The following STIM1 variants were observed in gnomAD, a reference collection of about 807,000 sequenced individuals.
The protein encoded by STIM1 is stromal interaction molecule 1.
In STIM1, 25 loss-of-function variants were observed where a neutral mutation model predicts 74.7. The ratio of observed to expected loss-of-function variants is 0.33; its 90% CI spans 0.24 to 0.47. The LOEUF (loss-of-function observed/expected upper bound fraction) is 0.47. Ranked by LOEUF, STIM1 falls within the 20% of genes least tolerant of loss-of-function variation. The pLI is 1.00. For missense variants in STIM1, 728 were observed against 920.8 expected (o/e 0.79, Z 2.71); for synonymous variants, 328 against 348.8 (o/e 0.94, Z 0.66).
intron 2 of STIM1, among the ~76,000 whole-genome samples, chr11:3,970,253 A>G (rs1304200577): frequency 1.3e-5 from 2 of 152,182 alleles, no homozygotes; most frequent in African/African-American, 2.4e-5. Context: ...GTTCTTTTTC[A>G]GTATAGTTTT....
chr11:4,020,585 C>A (rs932788287), intron 2 of STIM1, among the ~76,000 whole-genome samples: 1 of 148,936 alleles, frequency 6.7e-6, no homozygotes, highest in Admixed American at 6.7e-5. Context: ...ATCTTTTGGA[C>A]TTTTTTTTTT....
rs554138613 is a variant in STIM1, at chr11:4,034,114, A to G, written c.385+10127A>G. Among the ~76,000 whole-genome samples the G allele has an allele frequency of 1.5e-3, 228 of 151,986 alleles. 3 individuals are homozygous for G. The East Asian group carries it at 0.035, about 23-fold the overall frequency. ...TGTGGTGGCGGGCGCCTGTAATCCCAGCTACTTGGGAGGCTGAGGCAGGAG... is the reference window on the plus strand; with the variant it reads ...TGTGGTGGCGGGCGCCTGTAATCCCGGCTACTTGGGAGGCTGAGGCAGGAG... On this transcript the variant is annotated intron_variant, in intron 3 of 12. Transcript: ENST00000526596.
chr11:4,089,720 C>A (rs2094512665), intron 12 of STIM1, among the ~76,000 whole-genome samples: 1 of 152,188 alleles, frequency 6.6e-6, no homozygotes, highest in East Asian at 1.9e-4. Flanking sequence ...ATGAGCCAAC[C>A]CCCTGCTTTT....
At chr11:3,963,547 T>A (rs2093310750) in intron 1 of STIM1, among the ~76,000 whole-genome samples, 1 of 152,254 alleles carries the variant, frequency 6.6e-6, no homozygotes, top group South Asian at 2.1e-4. Flanking sequence ...CATATGCCTA[T>A]GCTATTTTCT....
intron 2 of STIM1, among the ~76,000 whole-genome samples, chr11:3,991,358 A>G (rs2093609713): frequency 6.6e-6 from 1 of 151,052 alleles, no homozygotes; most frequent in South Asian, 2.1e-4. Context: ...TTTTGTAGAT[A>G]CGGGGTTTTG....
chr11:4,022,081 C>T (rs1223501956), intron 2 of STIM1, among the ~76,000 whole-genome samples: 1 of 151,726 alleles, frequency 6.6e-6, no homozygotes, highest in Non-Finnish European at 1.5e-5. Flanking sequence ...CTTGTAATTC[C>T]AGCACTTTGG....
chr11:3,877,598 A>G (rs2091348074), intron 1 of STIM1, among the ~76,000 whole-genome samples: 1 of 152,170 alleles, frequency 6.6e-6, no homozygotes, highest in Non-Finnish European at 1.5e-5. Flanking sequence ...ATTCTCACAT[A>G]AGGTAGAGCA....
In STIM1 at chr11:4,055,594, G is replaced by A. The variant is rs143916878; in HGVS notation, c.454G>A (p.Glu152Lys). 100 of 1,598,928 alleles carry A rather than the reference G, an allele frequency of 6.3e-5. 2 individuals are homozygous for A. Among genetic ancestry groups the A allele is most frequent in the East Asian group, 4.9e-4 (22 of 44,590 alleles). ...ATATGTGGAGCTGCCTCAGTATGAG[G>A]AGACCTTCCGGAAGCTGCAGCTCAG... ...ITYVELPQYE[E>K]TFRKLQLSGH... Residue 152 changes from glutamate (E) to lysine (K), a missense_variant, in exon 4 of 13, where the codon GAG becomes AAG. By Grantham distance (56) the Glu-to-Lys change is moderately conservative. Transcript: ENST00000526596.
At chr11:3,950,716 G>A (rs1039411619) in intron 1 of STIM1, among the ~76,000 whole-genome samples, 1 of 151,862 alleles carries the variant, frequency 6.6e-6, no homozygotes, top group African/African-American at 2.4e-5. Context: ...ACTTCAAACT[G>A]CTGGGCTCAA....
At position 3,890,841 on chromosome 11, in the gene STIM1, C is replaced by A. The variant is rs540281958; in HGVS notation, c.139+34432C>A. 6.6e-5 allele frequency among the ~76,000 whole-genome samples: 10 copies of A among 152,266 alleles called. No individual in the cohort carries two copies. In the South Asian group the frequency reaches 1.9e-3, roughly 28 times the overall value. ...GCATTCTTTGAGCAGTGGGATAGGACCCCATCCTTAGGACTTTCACCTCTC... is the reference window on the plus strand; with the variant it reads ...GCATTCTTTGAGCAGTGGGATAGGAACCCATCCTTAGGACTTTCACCTCTC... On this transcript the variant is annotated intron_variant, in intron 1 of 12. Transcript: ENST00000526596.
intron 1 of STIM1, among the ~76,000 whole-genome samples, chr11:3,928,748 G>A (rs906656094): frequency 4.6e-5 from 7 of 152,122 alleles, no homozygotes; most frequent in African/African-American, 1.7e-4. Flanking sequence ...CTTGTTGATG[G>A]AGTAAAGAAA....
intron 1 of STIM1, among the ~76,000 whole-genome samples, chr11:3,885,826 C>A (rs1226651614): frequency 6.6e-6 from 1 of 152,100 alleles, no homozygotes; most frequent in East Asian, 1.9e-4. Context: ...TTTGTGTAGA[C>A]AAAGTCTTAC....
At chr11:4,077,260 ATAAAG>A (rs1487347682) in intron 7 of STIM1, among the ~76,000 whole-genome samples, 5 of 151,906 alleles carry the variant, frequency 3.3e-5, no homozygotes, top group Admixed American at 6.6e-5. Context: ...TTACATTAAT[ATAAAG>A]TAAACTTTAG....
chr11:4,003,103 A>G (rs2093736887), intron 2 of STIM1, among the ~76,000 whole-genome samples: 3 of 146,880 alleles, frequency 2.0e-5, no homozygotes, highest in South Asian at 4.6e-4. Context: ...TCAATAGCTT[A>G]CCAACCAAAA....
At chr11:3,860,348 A>G (rs1565092544) in intron 1 of STIM1, among the ~76,000 whole-genome samples, 1 of 152,236 alleles carries the variant, frequency 6.6e-6, no homozygotes, top group Non-Finnish European at 1.5e-5. Context: ...TTTATAGATG[A>G]GAAAATTAAA....
At chr11:4,004,691 C>G (rs926942761) in intron 2 of STIM1, among the ~76,000 whole-genome samples, 2 of 146,074 alleles carry the variant, frequency 1.4e-5, no homozygotes, top group African/African-American at 5.5e-5. Context: ...GACTTCATGT[C>G]TAAAACACCA....
intron 3 of STIM1, among the ~76,000 whole-genome samples, chr11:4,036,332 T>C (rs1298056193): frequency 1.3e-5 from 2 of 152,234 alleles, no homozygotes; most frequent in Non-Finnish European, 2.9e-5. Context: ...TGCATTTATC[T>C]TTATAATAGA....
intron 1 of STIM1, among the ~76,000 whole-genome samples, chr11:3,925,955 G>A (rs1398382436): frequency 6.6e-6 from 1 of 151,992 alleles, no homozygotes; most frequent in Non-Finnish European, 1.5e-5. Context: ...TGATAATTTT[G>A]AATTTTTTTG....
chr11:4,086,224 C>T (rs749358596), intron 11 of STIM1: 9 of 559,224 alleles, frequency 1.6e-5, no homozygotes, highest in Non-Finnish European at 2.9e-5. Context: ...TTGCCACTTC[C>T]CTTTATAGTG....
Sources: gnomAD v4.1 joint callset for allele counts (sites outside exome capture counted in the v4.1 genomes callset) on GRCh38, gnomAD v4.1.1 for gene constraint, MANE v1.5 for transcripts, NCBI Gene and HGNC (gene_info 2026-07-23, HGNC 2026-07-21) for gene names.